KDM3B: variants seen among roughly 807,000 people sequenced by gnomAD.
KDM3B encodes the protein lysine demethylase 3B, also known as lysine-specific demethylase 3B.
KDM3B carries 10 observed loss-of-function variants against 170.0 expected under a neutral mutation model. The observed-to-expected ratio is 0.06, with a 90% confidence interval of 0.04 to 0.10. The LOEUF (loss-of-function observed/expected upper bound fraction) is 0.10. Among genes scored for constraint, KDM3B ranks in the 10% least tolerant of loss-of-function variants. The probability of loss-of-function intolerance (pLI) is 1.00; values close to 1 mark genes in which losing one functional copy is unlikely to be tolerated. For missense variants in KDM3B, 1,394 were observed against 2,195.2 expected (o/e 0.64, Z 7.29); for synonymous variants, 831 against 834.8 (o/e 1.00, Z 0.08).
intron 1 of KDM3B, among the ~76,000 whole-genome samples, chr5:138,366,137 A>G (rs1761740567): frequency 6.6e-6 from 1 of 152,186 alleles, no homozygotes; most frequent in South Asian, 2.1e-4. Flanking sequence ...TTCCCCTCAC[A>G]TAATATATCT....
chr5:138,371,358 C>T (rs1322248092), intron 1 of KDM3B, among the ~76,000 whole-genome samples: 1 of 149,616 alleles, frequency 6.7e-6, no homozygotes, highest in Non-Finnish European at 1.5e-5. Context: ...ACCCAGGAGG[C>T]TGAGGGAGAA....
chr5:138,385,861 A>G (rs955043518), intron 6 of KDM3B, among the ~76,000 whole-genome samples, 161 bp from the exon 7 acceptor site: 3 of 152,238 alleles, frequency 2.0e-5, no homozygotes, highest in Non-Finnish European at 4.4e-5. Context: ...GAGTCACACA[A>G]AGATTAGAGC....
intron 6 of KDM3B, among the ~76,000 whole-genome samples, chr5:138,384,264 CAAAAG>C (rs1200102630): frequency 2.7e-5 from 4 of 146,210 alleles, no homozygotes; most frequent in African/African-American, 1.0e-4. Flanking sequence ...AAAAAAAAGT[CAAAAG>C]AAAACAACAC....
At chr5:138,422,555 G>A (rs565441386) in intron 15 of KDM3B, among the ~76,000 whole-genome samples, 2 of 152,166 alleles carry the variant, frequency 1.3e-5, no homozygotes, top group Admixed American at 6.5e-5. Flanking sequence ...CAGGAGAATC[G>A]CCTGAACCTG....
intron 13 of KDM3B, 30 bp from the exon 14 acceptor site, chr5:138,418,923 C>T: frequency 6.2e-7 from 1 of 1,607,300 alleles, no homozygotes; most frequent in Non-Finnish European, 8.5e-7. Flanking sequence ...AAGCACAGCA[C>T]TCTAATTATG....
chr5:138,391,041 C>T lies in KDM3B; in HGVS notation c.1409C>T (p.Ser470Phe). The stretch of plus-strand genomic sequence containing the variant: ...TCAAGAAATTCTATTCTGGCCTCTT[C>T]TGGATTTGGAGCACCTCTCCCTAGT... ...ENSRNSILAS[S>F]GFGAPLPSSS... The change falls in exon 8 of 24, where the codon TCT (serine) becomes TTT (phenylalanine). Residue 470 changes from serine (S) to phenylalanine (F), a missense_variant. Physicochemically the swap from Ser to Phe is radical, Grantham distance 155. Transcript: ENST00000314358. This position sits in a 1 kb window ranked among gnomAD's most constrained non-coding sequence, Gnocchi z 5.0. The T allele has an allele frequency of 6.3e-7, 1 of 1,581,866 alleles. No individual in the cohort carries two copies. The highest frequency in any genetic ancestry group is 8.6e-7 in the Non-Finnish European group (1 of 1,164,400).
At chr5:138,353,008 G>C in intron 1 of KDM3B, 21 bp downstream of exon 1, 1 of 1,213,240 alleles carries the variant, frequency 8.2e-7, no homozygotes, top group Non-Finnish European at 1.0e-6. Context: ...GCCGAGTCGG[G>C]CACTCGAGGC....
intron 6 of KDM3B, among the ~76,000 whole-genome samples, chr5:138,382,761 G>T (rs925346756): frequency 2.0e-5 from 3 of 152,058 alleles, no homozygotes; most frequent in African/African-American, 7.2e-5. Flanking sequence ...GGGATGACAG[G>T]CATGAGCCAC....
chr5:138,381,962 C>CTT (rs34859059), intron 6 of KDM3B, among the ~76,000 whole-genome samples: 40 of 148,464 alleles, frequency 2.7e-4, no homozygotes, highest in East Asian at 2.2e-3. Context: ...ACTACGTCCA[C>CTT]TTTTTTTTTT....
At chr5:138,382,398 G>T (rs1280089106) in intron 6 of KDM3B, among the ~76,000 whole-genome samples, 1 of 152,176 alleles carries the variant, frequency 6.6e-6, no homozygotes, top group East Asian at 1.9e-4. Context: ...GTTGCAATGA[G>T]CTGAGATCGC....
At chr5:138,392,427 G>A (rs1762458261) in intron 8 of KDM3B, among the ~76,000 whole-genome samples, 166 bp downstream of exon 8, 2 of 152,324 alleles carry the variant, frequency 1.3e-5, no homozygotes, top group South Asian at 4.1e-4. Context: ...CCTGGTTCAG[G>A]GCAGGATTGC....
intron 1 of KDM3B, among the ~76,000 whole-genome samples, chr5:138,359,142 C>T (rs970761271): frequency 2.6e-5 from 4 of 151,816 alleles, no homozygotes; most frequent in Non-Finnish European, 5.9e-5. Context: ...TTTATGGCTG[C>T]ATAGTATTCC....
At chr5:138,394,499 T>G (rs1000497313) in intron 9 of KDM3B, among the ~76,000 whole-genome samples, 1 of 151,998 alleles carries the variant, frequency 6.6e-6, no homozygotes, top group Admixed American at 6.6e-5. Flanking sequence ...TCTGAGAAAG[T>G]GAGAGTTGAG....
chr5:138,368,053 T>C (rs1388839371), intron 1 of KDM3B, among the ~76,000 whole-genome samples: 2 of 152,016 alleles, frequency 1.3e-5, no homozygotes, highest in Admixed American at 1.3e-4. Context: ...TTAACTGTTT[T>C]AGTCCTCCCC....
chr5:138,386,730 G>A, intron 7 of KDM3B, 109 bp downstream of exon 7: 1 of 1,414,040 alleles, frequency 7.1e-7, no homozygotes, highest in South Asian at 1.4e-5. Flanking sequence ...GTATTTCTGA[G>A]ATGTGCTTAA....
intron 11 of KDM3B, among the ~76,000 whole-genome samples, chr5:138,402,885 G>C (rs1404786563): frequency 6.6e-6 from 1 of 152,242 alleles, no homozygotes; most frequent in Non-Finnish European, 1.5e-5. Flanking sequence ...AGTCTGAGAA[G>C]AGTAAGGCAA....
intron 12 of KDM3B, among the ~76,000 whole-genome samples, chr5:138,417,219 A>T (rs1406156881): frequency 1.3e-5 from 2 of 152,218 alleles, no homozygotes; most frequent in African/African-American, 2.4e-5. Flanking sequence ...GGTGTAGCTT[A>T]GTGCTTAAAA....
chr5:138,397,334 C>CA (rs922951537), intron 9 of KDM3B, among the ~76,000 whole-genome samples: 29 of 148,224 alleles, frequency 2.0e-4, no homozygotes, highest in Admixed American at 7.4e-4. Flanking sequence ...GACTCTGTCT[C>CA]AAAAAAAAAC....
chr5:138,431,619 G>A (rs535257364), intron 23 of KDM3B, 60 bp downstream of exon 23: 15 of 1,374,690 alleles, frequency 1.1e-5, no homozygotes, highest in South Asian at 3.4e-5. Flanking sequence ...CATACATTAC[G>A]CAGAAAGCAC....
Sources: gnomAD v4.1 joint callset for allele counts (sites outside exome capture counted in the v4.1 genomes callset) on GRCh38, gnomAD v4.1.1 for gene constraint, Gnocchi (gnomAD v3.1) non-coding constraint, MANE v1.5 for transcripts, NCBI Gene and HGNC (gene_info 2026-07-23, HGNC 2026-07-21) for gene names.